BSG: variants seen among roughly 807,000 people sequenced by gnomAD.
BSG encodes basigin (Ok blood group).
In BSG, 37 loss-of-function variants were observed where a neutral mutation model predicts 43.1. That is an observed-to-expected ratio of 0.86 (90% confidence interval 0.66 to 1.13). The LOEUF (loss-of-function observed/expected upper bound fraction) is 1.13. Ranked by LOEUF, BSG falls within the 50% of genes most tolerant of loss-of-function variation. The pLI, the probability that BSG is intolerant of heterozygous loss-of-function variation, is 0.00. For synonymous variants in BSG, 309 were observed against 238.7 expected, an observed-to-expected ratio of 1.29 and a Z score of -2.72; for missense variants, 599 against 554.2, an observed-to-expected ratio of 1.08 and a Z score of -0.81.
At position 579,501 on chromosome 19, in the gene BSG, C is replaced by T. The variant is rs41276870; in HGVS notation, c.417C>T (p.Pro139=). Residue 139 remains proline (P), a splice_region_variant and synonymous_variant, in exon 3 of 9, where the codon CCC becomes CCT. Coordinates refer to ENST00000333511, the MANE Select transcript of BSG (RefSeq NM_001728.4). Reference sequence around the variant, plus strand: ...ACCGCGTCTCGCCGGGCCTTGCAGCCGGCACAGTCTTCACTACCGTAGAAG... The same window carrying T: ...ACCGCGTCTCGCCGGGCCTTGCAGCTGGCACAGTCTTCACTACCGTAGAAG... ...RAQAVVLVLE[P]GTVFTTVEDL... is the part of the protein sequence containing the mutation. The T allele has an allele frequency of 9.1e-3, 14,703 of 1,612,594 alleles. 80 individuals carry two copies. The highest frequency in any genetic ancestry group is 0.011 in the Non-Finnish European group (13,091 of 1,179,900).
At chr19:579,203 G>T (rs41276866) in intron 2 of BSG, 5 of 533,394 alleles carry the variant, frequency 9.4e-6, no homozygotes, top group Non-Finnish European at 1.8e-5. Context: ...GCCAGGCGGG[G>T]CCTCTGGGTT....
rs944325478 is a variant in BSG, at chr19:581,470, C to G, written c.948C>G (p.Leu316=). 1 of 1,609,374 alleles carries G rather than the reference C, an allele frequency of 6.2e-7. No homozygotes were observed. Among genetic ancestry groups the G allele is most frequent in the South Asian group, 1.1e-5 (1 of 90,626 alleles). Reference sequence around the variant, plus strand: ...GCTCCGACCAGGCCATCATCACGCTCCGCGTGCGCAGCCACCTGGCCGCCC... The same window carrying G: ...GCTCCGACCAGGCCATCATCACGCTGCGCGTGCGCAGCCACCTGGCCGCCC... ...SKGSDQAIIT[L]RVRSHLAALW... The change falls in exon 6 of 9, where the codon CTC becomes CTG. Residue 316 remains leucine, a synonymous_variant. Transcript: ENST00000333511.
At chr19:579,408 C>T (rs896261550) in intron 2 of BSG, 92 bp from the exon 3 acceptor site, 1 of 1,549,352 alleles carries the variant, frequency 6.5e-7, no homozygotes, top group Non-Finnish European at 8.8e-7. Flanking sequence ...ACCAGTCCTT[C>T]CCGGGGAGGA....
At position 581,473 on chromosome 19, in the gene BSG, C is replaced by T. The variant is rs770815368; in HGVS notation, c.951C>T (p.Arg317=). 4.0e-5 allele frequency: 64 copies of T among 1,608,182 alleles called. No homozygotes were observed. The highest frequency in any genetic ancestry group is 2.7e-4 in the East Asian group (12 of 44,552). The change falls in exon 6 of 9, where the codon CGC becomes CGT. Residue 317 remains arginine (R), a synonymous_variant. Coordinates refer to ENST00000333511, the MANE Select transcript of BSG (RefSeq NM_001728.4). The part of the protein sequence containing the change: ...KGSDQAIITL[R]VRSHLAALWP... ...CCGACCAGGCCATCATCACGCTCCG[C>T]GTGCGCAGCCACCTGGCCGCCCTCT...
At chr19:581,267 G>A (rs1186531340) in intron 5 of BSG, 48 bp from the exon 6 acceptor site, 1 of 1,571,468 alleles carries the variant, frequency 6.4e-7, no homozygotes, top group East Asian at 2.3e-5. Context: ...CTGGGTGAGG[G>A]GCCTAGACTG....
chr19:572,687 G>A lies in BSG; in HGVS notation c.53G>A (p.Gly18Glu). ...LLGFALLGTH[G>E]ASGAAGFVQA... ...GGATTCGCGCTGCTGGGCACCCACG[G>A]AGCCTCCGGGGCTGGTGAGGAGCGG... The change falls in exon 1 of 9, where the codon GGA (glycine) becomes GAA (glutamate). Residue 18 changes from glycine to glutamate, a missense_variant. Physicochemically the swap from Gly to Glu is moderately conservative, Grantham distance 98. Coordinates refer to ENST00000333511, the MANE Select transcript of BSG (RefSeq NM_001728.4). 6.7e-7 allele frequency: 1 copy of A among 1,493,808 alleles called. No homozygotes were observed. The highest frequency in any genetic ancestry group is 8.9e-7 in the Non-Finnish European group (1 of 1,117,996). 92.5% of individuals were successfully genotyped at this position (1,493,808 alleles called of 1,614,324 possible).
At chr19:579,842 G>T in intron 3 of BSG, 186 bp downstream of exon 3, 1 of 885,980 alleles carries the variant, frequency 1.1e-6, no homozygotes, top group African/African-American at 1.7e-5. Flanking sequence ...GTCCTTGTGA[G>T]GCAGGGGGCT....
chr19:577,440 G>T (rs551307834), intron 1 of BSG, among the ~76,000 whole-genome samples: 14 of 152,324 alleles, frequency 9.2e-5, no homozygotes, highest in South Asian at 4.1e-4. Flanking sequence ...AGGACGGTGC[G>T]CTTGGGACCT....
chr19:579,230 A>G (rs1449956193), intron 2 of BSG: 5 of 567,600 alleles, frequency 8.8e-6, no homozygotes, highest in East Asian at 4.0e-5. Flanking sequence ...GCCTTAGCCC[A>G]GGGCCCGCCA....
upstream of BSG, chr19:571,656 G>T (rs1173592790): frequency 3.9e-6 from 3 of 771,140 alleles, no homozygotes; most frequent in Non-Finnish European, 7.2e-6. Flanking sequence ...CCCGCAAAGA[G>T]AAACCAGCAC....
At chr19:575,951 A>G (rs28509380) in intron 1 of BSG, among the ~76,000 whole-genome samples, 4 of 151,736 alleles carry the variant, frequency 2.6e-5, no homozygotes, top group Non-Finnish European at 5.9e-5. Flanking sequence ...ACGCCCCCCC[A>G]CCCCCAGTGA....
chr19:580,029 G>C (rs1285571490), intron 3 of BSG: 1 of 410,218 alleles, frequency 2.4e-6, no homozygotes, highest in African/African-American at 2.0e-5. Flanking sequence ...TGTCATGGCC[G>C]GAGCTTTGTC....
Position 581,323 on chromosome 19 carries a change from G to A in BSG, c.801G>A (p.Met267Ile), listed in dbSNP as rs770293556. The A allele has an allele frequency of 1.8e-5, 29 of 1,611,956 alleles. No homozygotes were observed. The highest frequency in any genetic ancestry group is 1.6e-4 in the Middle Eastern group (1 of 6,084). The change falls in exon 6 of 9, where the codon ATG becomes ATA. Residue 267 changes from methionine (M) to isoleucine (I), a missense_variant. By Grantham distance (10) the Met-to-Ile change is conservative. Coordinates refer to ENST00000333511, the MANE Select transcript of BSG (RefSeq NM_001728.4). ...TGCCTTTGGTCCCCTAGGCCCTCAT[G>A]AACGGCTCCGAGAGCAGGTTCTTCG... ...KITDSEDKALMNGSESRFFVS... is the reference protein window; with the variant it reads ...KITDSEDKALINGSESRFFVS...
Position 572,610 on chromosome 19 carries a change from G to A in BSG, c.-25G>A, listed in dbSNP as rs188657384. The A allele has an allele frequency of 2.0e-6, 3 of 1,486,568 alleles. No homozygotes were observed. Among genetic ancestry groups the A allele is most frequent in the Non-Finnish European group, 2.7e-6 (3 of 1,114,792 alleles). 92.1% of individuals were successfully genotyped at this position (1,486,568 alleles called of 1,614,324 possible). On this transcript the variant is annotated 5_prime_UTR_variant, in exon 1 of 9. Coordinates refer to ENST00000333511, the MANE Select transcript of BSG (RefSeq NM_001728.4). ...GCGGCGGCGGCAGCGGTTGGAGGTT[G>A]TAGGACCGGCGAGGAATAGGAATCA... is the stretch of plus-strand genomic sequence containing the variant.
Position 580,736 on chromosome 19 carries a change from C to G in BSG, c.746C>G (p.Pro249Arg). Residue 249 changes from proline (P) to arginine (R), a missense_variant, in exon 5 of 9, where the codon CCT (proline) becomes CGT (arginine). Transcript: ENST00000333511. ...MLVCKSESVP[P>R]VTDWAWYKIT... is the part of the protein sequence containing the mutation. Reference sequence around the variant, plus strand: ...GTCTGCAAGTCAGAGTCCGTGCCACCTGTCACTGACTGGGCCTGGTACAAG... The same window carrying G: ...GTCTGCAAGTCAGAGTCCGTGCCACGTGTCACTGACTGGGCCTGGTACAAG... 1 of 1,612,790 alleles carries G rather than the reference C, an allele frequency of 6.2e-7. No homozygotes were observed. The highest frequency in any genetic ancestry group is 8.5e-7 in the Non-Finnish European group (1 of 1,179,958).
At position 582,384 on chromosome 19, in the gene BSG, G is replaced by A. The variant is rs1233808637; in HGVS notation, c.1094+54G>A. The A allele has an allele frequency of 4.4e-6, 7 of 1,594,650 alleles. No homozygotes were observed. The East Asian group carries it at 1.6e-4, about 36-fold the overall frequency. Reference sequence around the variant, plus strand: ...CCCAAGGAGCGGCCTGCTGCCCCAGGCCTTTAAAACACAAAGGCAGAGCCC... The same window carrying A: ...CCCAAGGAGCGGCCTGCTGCCCCAGACCTTTAAAACACAAAGGCAGAGCCC... On this transcript the variant is annotated intron_variant, in intron 7 of 8. Coordinates refer to ENST00000333511, the MANE Select transcript of BSG (RefSeq NM_001728.4).
chr19:580,787 G>T lies in BSG; in HGVS notation c.792+5G>T. Reference sequence around the variant, plus strand: ...ATCACTGACTCTGAGGACAAGGTGAGAAGCCAAGGAGGCTGGGGGTCCTGG... The same window carrying T: ...ATCACTGACTCTGAGGACAAGGTGATAAGCCAAGGAGGCTGGGGGTCCTGG... On this transcript the variant is annotated splice_donor_5th_base_variant and intron_variant, in intron 5 of 8. Coordinates refer to ENST00000333511, the MANE Select transcript of BSG (RefSeq NM_001728.4). 6.2e-7 allele frequency: 1 copy of T among 1,612,752 alleles called. No individual in the cohort carries two copies.
intron 5 of BSG, 140 bp from the exon 6 acceptor site, chr19:581,175 G>T: frequency 1.1e-6 from 1 of 899,030 alleles, no homozygotes. Context: ...CTGGGTGAGG[G>T]GCCTAGACTG....
At chr19:571,729 A>ACGCAGGACACGGGAGCACACGGGAC, upstream of BSG, 1 of 686,748 alleles carries the variant, frequency 1.5e-6, no homozygotes, top group Non-Finnish European at 2.7e-6. Flanking sequence ...CGTGGGATGC[A>ACGCAGGACACGGGAGCACACGGGAC]ATCTCCAGAG....
Sources: gnomAD v4.1 joint callset for allele counts (sites outside exome capture counted in the v4.1 genomes callset) on GRCh38, gnomAD v4.1.1 for gene constraint, MANE v1.5 for transcripts, NCBI Gene and HGNC (gene_info 2026-07-23, HGNC 2026-07-21) for gene names.